The following CDKAL1 variants were observed in gnomAD, a reference collection of about 807,000 sequenced individuals.
CDKAL1 encodes the protein threonylcarbamoyladenosine tRNA methylthiotransferase.
Under a neutral mutation model 68.2 loss-of-function variants are expected in CDKAL1, and 32 were observed. That is an observed-to-expected ratio of 0.47 (90% CI 0.35 to 0.63). The LOEUF is 0.63. Among genes scored for constraint, CDKAL1 ranks in the 30% least tolerant of loss-of-function variants. The pLI, the probability that CDKAL1 is intolerant of heterozygous loss-of-function variation, is 0.00. For synonymous variants in CDKAL1, 234 were observed against 244.3 expected (o/e 0.96, Z 0.39); for missense variants, 606 against 696.7 (o/e 0.87, Z 1.47).
intron 9 of CDKAL1, among the ~76,000 whole-genome samples, chr6:20,853,404 A>AC (rs1178869715): frequency 2.6e-5 from 3 of 113,832 alleles, no homozygotes; most frequent in African/African-American, 5.6e-5. Context: ...AAAAAAAACA[A>AC]AAAAAAAAAC....
intron 5 of CDKAL1, among the ~76,000 whole-genome samples, chr6:20,662,536 G>T (rs1769337076): frequency 1.3e-5 from 2 of 152,098 alleles, no homozygotes; most frequent in African/African-American, 4.8e-5. Flanking sequence ...GGGTGTTAGA[G>T]TGCATAGACA....
chr6:21,217,852 G>A (rs948918191), intron 15 of CDKAL1, among the ~76,000 whole-genome samples: 5 of 152,052 alleles, frequency 3.3e-5, no homozygotes, highest in Admixed American at 6.5e-5. Context: ...CAAACTCCTC[G>A]CCTCCAGCAG....
chr6:20,913,026 G>T (rs1380859332), intron 9 of CDKAL1, among the ~76,000 whole-genome samples: 3 of 151,238 alleles, frequency 2.0e-5, no homozygotes, highest in Non-Finnish European at 4.4e-5. Flanking sequence ...AAAAAGTGTT[G>T]AGAGCAGATA....
chr6:20,710,278 C>G (rs145044672), intron 5 of CDKAL1, among the ~76,000 whole-genome samples: 1 of 152,126 alleles, frequency 6.6e-6, no homozygotes, highest in Admixed American at 6.5e-5. Context: ...GTCCCATGAT[C>G]CCGTGATGTT....
intron 4 of CDKAL1, among the ~76,000 whole-genome samples, chr6:20,552,712 T>C (rs1215274064): frequency 6.6e-6 from 1 of 152,140 alleles, no homozygotes; most frequent in Non-Finnish European, 1.5e-5. Context: ...TTGTTCCTAC[T>C]TTAGAAATTC....
intron 5 of CDKAL1, among the ~76,000 whole-genome samples, chr6:20,713,901 T>A (rs1414073858): frequency 6.6e-6 from 1 of 152,164 alleles, no homozygotes; most frequent in African/African-American, 2.4e-5. Context: ...ATATACTTTA[T>A]TCACTCTATT....
At chr6:21,033,679 G>A (rs1769417164) in intron 11 of CDKAL1, among the ~76,000 whole-genome samples, 2 of 152,148 alleles carry the variant, frequency 1.3e-5, no homozygotes, top group Admixed American at 1.3e-4. Context: ...CGCCTAGCTG[G>A]CTACAATCAC....
intron 4 of CDKAL1, among the ~76,000 whole-genome samples, chr6:20,632,192 A>C (rs1767702427): frequency 6.6e-6 from 1 of 152,206 alleles, no homozygotes; most frequent in Non-Finnish European, 1.5e-5. Flanking sequence ...ATGTGCTTGT[A>C]CACTTAAATT....
At chr6:20,947,073 A>G (rs771642226) in intron 9 of CDKAL1, among the ~76,000 whole-genome samples, 6 of 152,096 alleles carry the variant, frequency 3.9e-5, no homozygotes, top group Non-Finnish European at 8.8e-5. Context: ...GTGTTCAACA[A>G]TTACTTGCTA....
At chr6:21,197,157 C>CAAA (rs879704581) in intron 13 of CDKAL1, among the ~76,000 whole-genome samples, 6 of 140,076 alleles carry the variant, frequency 4.3e-5, no homozygotes, top group South Asian at 2.3e-4. Context: ...GACTCTGTCT[C>CAAA]AAAAAAAAAA....
At chr6:21,142,689 T>C (rs897350950) in intron 13 of CDKAL1, among the ~76,000 whole-genome samples, 1 of 152,204 alleles carries the variant, frequency 6.6e-6, no homozygotes, top group Non-Finnish European at 1.5e-5. Flanking sequence ...AAAGTACGAA[T>C]AGAATGCTTT....
chr6:21,211,319 A>G (rs115720476), intron 15 of CDKAL1, among the ~76,000 whole-genome samples: 160 of 152,354 alleles, frequency 1.1e-3, no homozygotes, highest in African/African-American at 3.5e-3. Flanking sequence ...TTGAAGTCAA[A>G]TAGGATTTAT....
chr6:20,853,335 C>T (rs113100702), intron 9 of CDKAL1, among the ~76,000 whole-genome samples: 2,055 of 149,882 alleles, frequency 0.014, 35 homozygotes, highest in African/African-American at 0.048. Context: ...GAGCCAAGAT[C>T]GTGCCACTGC....
intron 4 of CDKAL1, among the ~76,000 whole-genome samples, chr6:20,579,003 A>G (rs1765028500): frequency 6.6e-6 from 1 of 152,214 alleles, no homozygotes; most frequent in South Asian, 2.1e-4. Context: ...TTTGAGACAG[A>G]GTCTCGCTCT....
chr6:20,956,933 A>G (rs1020129014), intron 10 of CDKAL1, among the ~76,000 whole-genome samples: 1 of 151,890 alleles, frequency 6.6e-6, no homozygotes, highest in African/African-American at 2.4e-5. Flanking sequence ...TTTGCTATTT[A>G]AAAATAAGTT....
At chr6:20,540,809 G>A (rs1290356332) in intron 2 of CDKAL1, among the ~76,000 whole-genome samples, 1 of 152,202 alleles carries the variant, frequency 6.6e-6, no homozygotes, top group Non-Finnish European at 1.5e-5. Flanking sequence ...GCAGTGGTGT[G>A]GAATAGGCAG....
At chr6:21,087,347 T>C (rs1772749955) in intron 12 of CDKAL1, among the ~76,000 whole-genome samples, 1 of 152,148 alleles carries the variant, frequency 6.6e-6, no homozygotes, top group Non-Finnish European at 1.5e-5. Context: ...TTTGTTTTTT[T>C]TGGAGATAGC....
intron 9 of CDKAL1, among the ~76,000 whole-genome samples, chr6:20,917,984 G>A (rs896190944): frequency 9.2e-5 from 14 of 152,322 alleles, no homozygotes; most frequent in African/African-American, 3.1e-4. Context: ...GGTGGCACAT[G>A]CCTGTGGTCC....
chr6:20,864,012 AAGG>A (rs1759777691), intron 9 of CDKAL1, among the ~76,000 whole-genome samples: 2 of 152,172 alleles, frequency 1.3e-5, no homozygotes, highest in Admixed American at 1.3e-4. Flanking sequence ...TTAGTAAAAA[AAGG>A]AGGAGAGGTT....
Sources: gnomAD v4.1 joint callset for allele counts (sites outside exome capture counted in the v4.1 genomes callset) on GRCh38, gnomAD v4.1.1 for gene constraint, MANE v1.5 for transcripts, NCBI Gene and HGNC (gene_info 2026-07-23, HGNC 2026-07-21) for gene names.